Variants in TAPT1 observed in about 807,000 individuals in gnomAD.
TAPT1 encodes transmembrane anterior posterior transformation protein 1 homolog.
A neutral mutation model predicts 65.6 loss-of-function variants in TAPT1; 28 were observed. The observed-to-expected ratio is 0.43, with a 90% confidence interval of 0.32 to 0.59. The LOEUF (loss-of-function observed/expected upper bound fraction) is 0.59, where lower values mean the gene tolerates loss of function less well. TAPT1 is among the 20% of genes least tolerant of loss of function. The pLI, the probability that TAPT1 is intolerant of heterozygous loss-of-function variation, is 0.09. For missense variants in TAPT1, 563 were observed against 679.9 expected (o/e 0.83, Z 1.91); for synonymous variants, 278 against 245.2 (o/e 1.13, Z -1.25).
At chr4:16,219,222 A>G (rs13133263) in intron 1 of TAPT1, among the ~76,000 whole-genome samples, 2 of 151,802 alleles carry the variant, frequency 1.3e-5, no homozygotes, top group African/African-American at 2.4e-5. Flanking sequence ...ATGGCTAGAG[A>G]GTGTGCTTTT....
intron 3 of TAPT1, 74 bp from the exon 4 acceptor site, chr4:16,191,597 G>A (rs1249656319): frequency 3.7e-6 from 5 of 1,369,450 alleles, no homozygotes; most frequent in South Asian, 1.5e-5. Flanking sequence ...ATCTTTACTC[G>A]ATATACACTG....
chr4:16,173,571 G>T (rs986006820), intron 11 of TAPT1, among the ~76,000 whole-genome samples: 6 of 151,746 alleles, frequency 4.0e-5, no homozygotes, highest in Admixed American at 1.3e-4. Flanking sequence ...ATACTTCTTG[G>T]GTATAAAAGC....
chr4:16,204,651 A>T (rs957820280), intron 2 of TAPT1, among the ~76,000 whole-genome samples: 2 of 152,350 alleles, frequency 1.3e-5, no homozygotes, highest in Admixed American at 6.5e-5. Flanking sequence ...GGGCAACGCA[A>T]CCGGGCACTG....
intron 1 of TAPT1, among the ~76,000 whole-genome samples, chr4:16,215,164 G>A (rs56815412): frequency 0.024 from 3,671 of 152,122 alleles, 144 homozygotes; most frequent in African/African-American, 0.083. Flanking sequence ...GCCGGTGGGC[G>A]CCTGTAGTCC....
chr4:16,213,999 C>A (rs2108889634), intron 1 of TAPT1, 101 bp from the exon 2 acceptor site: 1 of 952,994 alleles, frequency 1.0e-6, no homozygotes, highest in Non-Finnish European at 1.5e-6. Flanking sequence ...AACAAAGAGA[C>A]CAAAATAAAT....
intron 7 of TAPT1, among the ~76,000 whole-genome samples, chr4:16,186,175 T>C (rs1473571701): frequency 6.6e-6 from 1 of 152,184 alleles, no homozygotes; most frequent in Non-Finnish European, 1.5e-5. Flanking sequence ...CAATCTGAGA[T>C]TTATAGACAT....
intron 3 of TAPT1, among the ~76,000 whole-genome samples, chr4:16,191,995 T>A (rs1020840547): frequency 6.6e-6 from 1 of 152,248 alleles, no homozygotes; most frequent in South Asian, 2.1e-4. Flanking sequence ...TTTGGCAGCA[T>A]AGTGTTCCAC....
At chr4:16,220,456 T>C (rs529042069) in intron 1 of TAPT1, among the ~76,000 whole-genome samples, 7 of 152,320 alleles carry the variant, frequency 4.6e-5, no homozygotes, top group African/African-American at 1.7e-4. Context: ...TTTATCCCAA[T>C]CTTACCAGGA....
rs140871145 is a variant in TAPT1, at chr4:16,162,483, A to C, written c.*825T>G. The C allele has an allele frequency of 5.9e-5, 9 of 152,934 alleles. No homozygotes were observed. The highest frequency in any genetic ancestry group is 1.3e-4 in the Admixed American group (2 of 15,316). 9.5% of individuals were successfully genotyped at this position (152,934 alleles called of 1,614,324 possible). On this transcript the variant is annotated 3_prime_UTR_variant, in exon 14 of 14. Transcript: ENST00000405303. ...AGCTGTAATAATTTATGAAGTAATTAGTTTTAAAGCAAAATCAGTTAAGTA... is the reference window on the plus strand; with the variant it reads ...AGCTGTAATAATTTATGAAGTAATTCGTTTTAAAGCAAAATCAGTTAAGTA...
At position 16,163,008 on chromosome 4, in the gene TAPT1, A is replaced by G. The variant is rs779226070; in HGVS notation, c.*300T>C. ...CTGGAAGCCCAGACTGACAAAGCAA[A>G]ACAGATTTTGATGTTGCCTTTGTTG... On this transcript the variant is annotated 3_prime_UTR_variant, in exon 14 of 14. Transcript: ENST00000405303. 2.8e-5 allele frequency: 14 copies of G among 501,648 alleles called. No individual in the cohort carries two copies. Among genetic ancestry groups the G allele is most frequent in the South Asian group, 4.6e-5 (3 of 64,928 alleles). 31.1% of individuals were successfully genotyped at this position (501,648 alleles called of 1,614,324 possible).
intron 2 of TAPT1, among the ~76,000 whole-genome samples, chr4:16,210,723 T>C (rs1355186436): frequency 6.6e-6 from 1 of 152,186 alleles, no homozygotes; most frequent in African/African-American, 2.4e-5. Flanking sequence ...AGAGAAAGTA[T>C]AGTTTAATCT....
In TAPT1 at chr4:16,195,054, G is replaced by A. The variant is rs1749619413; in HGVS notation, c.450-3531C>T. ...ATAAGGGTCTTGTTTTCATATAAAT[G>A]TCCTTGTTAATAAAAAAGAAAGGCT... On this transcript the variant is annotated intron_variant, in intron 3 of 13. Transcript: ENST00000405303. Among the ~76,000 whole-genome samples, 7 of 152,034 alleles carry A rather than the reference G, an allele frequency of 4.6e-5. 1 individual carries two copies. The South Asian group carries it at 1.2e-3, about 27-fold the overall frequency.
intron 3 of TAPT1, among the ~76,000 whole-genome samples, chr4:16,197,378 AAAGTT>A (rs1749771029): frequency 6.6e-6 from 1 of 152,242 alleles, no homozygotes; most frequent in South Asian, 2.1e-4. Context: ...ATGTTTCAGT[AAAGTT>A]TTTTCAACAA....
chr4:16,215,281 A>T (rs1488845813), intron 1 of TAPT1, among the ~76,000 whole-genome samples: 2 of 152,114 alleles, frequency 1.3e-5, no homozygotes, highest in Non-Finnish European at 2.9e-5. Context: ...ACACAGCAGG[A>T]CTGTGTCTCA....
At chr4:16,190,566 T>TG (rs1301303454) in intron 4 of TAPT1, 3 of 152,700 alleles carry the variant, frequency 2.0e-5, no homozygotes, top group African/African-American at 7.2e-5. Flanking sequence ...CTTGGACTCC[T>TG]GACCTCAGGT....
rs1368139755 is a variant in TAPT1 at position 16,162,556 on chromosome 4, T to C, written c.*752A>G. On this transcript the variant is annotated 3_prime_UTR_variant, in exon 14 of 14. Coordinates refer to ENST00000405303, the MANE Select transcript of TAPT1 (RefSeq NM_153365.3). ...TGCTTCCTTGGTGTAAAAAGTGCCC[T>C]TTTGTAAGGAAATTTGTTTTATCCA... 1 of 124,398 alleles carries C rather than the reference T, an allele frequency of 8.0e-6. No homozygotes were observed. The highest frequency in any genetic ancestry group is 1.7e-5 in the Non-Finnish European group (1 of 60,432). 7.7% of individuals were successfully genotyped at this position (124,398 alleles called of 1,614,324 possible).
chr4:16,179,251 G>A (rs1271299731), intron 8 of TAPT1: 2 of 207,852 alleles, frequency 9.6e-6, no homozygotes, highest in East Asian at 2.7e-4. Flanking sequence ...AACCTGTACA[G>A]CACGTTACCA....
intron 11 of TAPT1, among the ~76,000 whole-genome samples, chr4:16,172,567 A>G (rs548955722): frequency 3.1e-4 from 47 of 152,320 alleles, no homozygotes; most frequent in African/African-American, 1.1e-3. Flanking sequence ...ATTATGATGT[A>G]ATAAGCAAGC....
intron 4 of TAPT1, chr4:16,190,342 T>TA (rs1453847507): frequency 1.4e-5 from 2 of 147,418 alleles, no homozygotes; most frequent in Non-Finnish European, 3.0e-5. Flanking sequence ...TTTGAATTTC[T>TA]TTTTTTTTTT....
Sources: gnomAD v4.1 joint callset for allele counts (sites outside exome capture counted in the v4.1 genomes callset) on GRCh38, gnomAD v4.1.1 for gene constraint, MANE v1.5 for transcripts, NCBI Gene and HGNC (gene_info 2026-07-23, HGNC 2026-07-21) for gene names.